Variants in MCUB observed in about 807,000 individuals in gnomAD.
The protein encoded by MCUB is calcium uniporter regulatory subunit MCUb, mitochondrial.
A neutral mutation model predicts 41.4 loss-of-function variants in MCUB; 46 were observed. The ratio of observed to expected loss-of-function variants is 1.11; its 90% confidence interval spans 0.88 to 1.42. The LOEUF (loss-of-function observed/expected upper bound fraction) is 1.42, where lower values mean the gene tolerates loss of function less well. Among genes scored for constraint, MCUB ranks in the 40% most tolerant of loss-of-function variants. The pLI is 0.00. For missense variants in MCUB, 403 were observed against 404.9 expected (o/e 1.00, Z 0.04); for synonymous variants, 148 against 148.2 (o/e 1.00, Z 0.01).
At chr4:109,640,562 G>A (rs993923867) in intron 1 of MCUB, among the ~76,000 whole-genome samples, 1 of 152,188 alleles carries the variant, frequency 6.6e-6, no homozygotes, top group Admixed American at 6.5e-5. Context: ...GCACTTTTAT[G>A]TTATAGAGAT....
intron 1 of MCUB, among the ~76,000 whole-genome samples, chr4:109,598,610 G>GGGGAGAC (rs972624774): frequency 3.3e-5 from 5 of 151,496 alleles, no homozygotes; most frequent in African/African-American, 7.3e-5. Context: ...GGGAGACGGT[G>GGGGAGAC]GGGAGACGGG....
intron 1 of MCUB, among the ~76,000 whole-genome samples, chr4:109,647,416 T>C (rs1414873684): frequency 6.6e-6 from 1 of 152,210 alleles, no homozygotes; most frequent in Admixed American, 6.5e-5. Flanking sequence ...CAAAATGTCA[T>C]GTAGTCGGAA....
intron 1 of MCUB, among the ~76,000 whole-genome samples, chr4:109,602,905 G>A (rs930407536): frequency 1.3e-5 from 2 of 152,086 alleles, no homozygotes; most frequent in African/African-American, 2.4e-5. Flanking sequence ...TTCATTGCAG[G>A]AATCTTTCAC....
intron 1 of MCUB, among the ~76,000 whole-genome samples, chr4:109,610,685 G>A (rs749607312): frequency 2.0e-5 from 3 of 152,154 alleles, no homozygotes. Context: ...ATCCTTAGGC[G>A]ATTTCATCAT....
intron 1 of MCUB, among the ~76,000 whole-genome samples, chr4:109,629,885 A>G (rs996179635): frequency 1.3e-5 from 2 of 152,204 alleles, no homozygotes; most frequent in African/African-American, 2.4e-5. Context: ...TTGGTGATCA[A>G]CTTAACCTTC....
At chr4:109,644,598 C>G (rs1447227195) in intron 1 of MCUB, among the ~76,000 whole-genome samples, 2 of 152,192 alleles carry the variant, frequency 1.3e-5, no homozygotes, top group African/African-American at 2.4e-5. Flanking sequence ...GAAAGGAACA[C>G]ATTCTCATTT....
At chr4:109,567,456 T>C (rs1299801530) in intron 1 of MCUB, among the ~76,000 whole-genome samples, 2 of 151,260 alleles carry the variant, frequency 1.3e-5, no homozygotes, top group Non-Finnish European at 1.5e-5. Context: ...TTTTGTTTGT[T>C]TTTGGAGATC....
chr4:109,597,306 C>T (rs1350433405), intron 1 of MCUB, among the ~76,000 whole-genome samples: 2 of 151,346 alleles, frequency 1.3e-5, no homozygotes, highest in Non-Finnish European at 1.5e-5. Context: ...CCAGTAGGGG[C>T]GGCCGGGCAG....
At chr4:109,675,580 A>C (rs556875339) in intron 4 of MCUB, among the ~76,000 whole-genome samples, 7 of 152,354 alleles carry the variant, frequency 4.6e-5, no homozygotes, top group Non-Finnish European at 1.5e-5. Flanking sequence ...TAGGTCAATA[A>C]GCCATACAAC....
At chr4:109,574,308 G>A (rs1726980745) in intron 1 of MCUB, among the ~76,000 whole-genome samples, 1 of 152,160 alleles carries the variant, frequency 6.6e-6, no homozygotes, top group African/African-American at 2.4e-5. Context: ...AGAATAGGTA[G>A]GCAGAGTTCA....
chr4:109,630,591 G>GT (rs1728454392), intron 1 of MCUB, among the ~76,000 whole-genome samples: 1 of 151,552 alleles, frequency 6.6e-6, no homozygotes, highest in Non-Finnish European at 1.5e-5. Context: ...GTTTGTTTTT[G>GT]TTTTTTGAGA....
At chr4:109,619,222 C>A (rs1728201140) in intron 1 of MCUB, among the ~76,000 whole-genome samples, 1 of 152,094 alleles carries the variant, frequency 6.6e-6, no homozygotes, top group African/African-American at 2.4e-5. Flanking sequence ...ATTATAGGTG[C>A]CTGCCACCAT....
intron 1 of MCUB, among the ~76,000 whole-genome samples, chr4:109,601,882 A>G (rs1727753147): frequency 6.6e-6 from 1 of 152,144 alleles, no homozygotes; most frequent in Non-Finnish European, 1.5e-5. Flanking sequence ...CTCTCTCCAC[A>G]TCTTCACCAA....
At chr4:109,665,977 AAAG>A (rs964613384) in intron 4 of MCUB, among the ~76,000 whole-genome samples, 7 of 152,106 alleles carry the variant, frequency 4.6e-5, no homozygotes, top group African/African-American at 1.2e-4. Context: ...GCAAGAGGGG[AAAG>A]AAGAAGGGGG....
At chr4:109,656,374 TTTTTTTTTTTTTTTTTTTG>T (rs1729101474) in intron 1 of MCUB, among the ~76,000 whole-genome samples, 2 of 99,072 alleles carry the variant, frequency 2.0e-5, no homozygotes, top group Admixed American at 2.1e-4. Context: ...TTTTTTTTTT[TTTTTTTTTTTTTTTTTTTG>T]GAGACAGGGT....
At chr4:109,649,939 C>T (rs1579083039) in intron 1 of MCUB, among the ~76,000 whole-genome samples, 1 of 152,056 alleles carries the variant, frequency 6.6e-6, no homozygotes, top group South Asian at 2.1e-4. Flanking sequence ...AGAAGTGGGG[C>T]CTGATTTGGG....
At chr4:109,561,728 A>T (rs968611110) in intron 1 of MCUB, among the ~76,000 whole-genome samples, 1 of 152,164 alleles carries the variant, frequency 6.6e-6, no homozygotes, top group African/African-American at 2.4e-5. Context: ...TTCACATGCC[A>T]TTTTAAACAC....
At chr4:109,662,014 T>C (rs981532898) in intron 3 of MCUB, among the ~76,000 whole-genome samples, 1 of 152,050 alleles carries the variant, frequency 6.6e-6, no homozygotes, top group African/African-American at 2.4e-5. Flanking sequence ...GCCTGAGTGA[T>C]AGAGTGAGAC....
intron 1 of MCUB, among the ~76,000 whole-genome samples, chr4:109,583,465 G>C (rs747722887): frequency 6.6e-6 from 1 of 152,148 alleles, no homozygotes; most frequent in Non-Finnish European, 1.5e-5. Context: ...ATTTTGGGCT[G>C]AGATGATGGG....
Sources: gnomAD v4.1 joint callset for allele counts (sites outside exome capture counted in the v4.1 genomes callset) on GRCh38, gnomAD v4.1.1 for gene constraint, MANE v1.5 for transcripts, NCBI Gene and HGNC (gene_info 2026-07-23, HGNC 2026-07-21) for gene names.